The following CSRNP3 variants were observed in gnomAD, a reference collection of about 807,000 sequenced individuals.
CSRNP3 encodes the protein cysteine and serine rich nuclear protein 3.
A neutral mutation model predicts 48.0 loss-of-function variants in CSRNP3; 12 were observed. That is an observed-to-expected ratio of 0.25 (90% CI 0.16 to 0.41). The LOEUF (loss-of-function observed/expected upper bound fraction) is 0.41, where lower values mean the gene tolerates loss of function less well. CSRNP3 is among the 10% of genes least tolerant of loss of function. The pLI, the probability that CSRNP3 is intolerant of heterozygous loss-of-function variation, is 1.00. For missense variants in CSRNP3, 580 were observed against 724.4 expected, an observed-to-expected ratio of 0.80 and a Z score of 2.29; for synonymous variants, 263 against 269.7, an observed-to-expected ratio of 0.98 and a Z score of 0.24.
Position 165,673,131 on chromosome 2 carries a change from C to CTTTTTTTTTTT in CSRNP3, c.409-3167_409-3157dup, listed in dbSNP as rs3032370. ...AGCAAGAGTGAAACAGTATGTAGCT[C>CTTTTTTTTTTT]TTTTTTTTTTTTTTTTTTTTTTTTG... On this transcript the variant is annotated intron_variant, in intron 5 of 6. Transcript: ENST00000651982. 2.4e-4 allele frequency among the ~76,000 whole-genome samples: 16 copies of CTTTTTTTTTTT among 67,124 alleles called. 4 individuals are homozygous for CTTTTTTTTTTT. The highest frequency in any genetic ancestry group is 1.0e-3 in the East Asian group (2 of 1,944). The allele number at this position is 67,124 out of a possible 152,430, so 44.0% of individuals were successfully genotyped here.
intron 4 of CSRNP3, among the ~76,000 whole-genome samples, chr2:165,641,870 C>T (rs1686726281): frequency 6.6e-6 from 1 of 152,136 alleles, no homozygotes; most frequent in Admixed American, 6.6e-5. Flanking sequence ...CATTCTTCTG[C>T]TCTTTTGTTT....
chr2:165,553,511 G>C (rs1685124735), intron 3 of CSRNP3, among the ~76,000 whole-genome samples: 1 of 152,130 alleles, frequency 6.6e-6, no homozygotes, highest in Non-Finnish European at 1.5e-5. Context: ...GCTGAATATA[G>C]GTGGTAGCCA....
chr2:165,563,684 C>T (rs1452456979), intron 3 of CSRNP3, among the ~76,000 whole-genome samples: 2 of 152,136 alleles, frequency 1.3e-5, no homozygotes, highest in African/African-American at 4.8e-5. Context: ...AGTTCAGCTG[C>T]TAGACTTTTG....
intron 3 of CSRNP3, among the ~76,000 whole-genome samples, chr2:165,552,762 T>A (rs1685114251): frequency 6.6e-6 from 1 of 152,096 alleles, no homozygotes; most frequent in Non-Finnish European, 1.5e-5. Context: ...GTGTGCAATC[T>A]TGGCTCACTG....
At chr2:165,618,485 C>T (rs1251225996) in intron 4 of CSRNP3, among the ~76,000 whole-genome samples, 1 of 152,228 alleles carries the variant, frequency 6.6e-6, no homozygotes, top group Non-Finnish European at 1.5e-5. Context: ...CCAAATAGTA[C>T]TGTCATTTAA....
At chr2:165,589,239 C>A (rs1260934110) in intron 3 of CSRNP3, among the ~76,000 whole-genome samples, 1 of 152,204 alleles carries the variant, frequency 6.6e-6, no homozygotes, top group African/African-American at 2.4e-5. Flanking sequence ...TCCTTATATT[C>A]TTTTCTTTCC....
chr2:165,496,914 T>C (rs1684290583), intron 2 of CSRNP3, among the ~76,000 whole-genome samples: 1 of 152,014 alleles, frequency 6.6e-6, no homozygotes, highest in East Asian at 1.9e-4. Flanking sequence ...TTGATTTCTA[T>C]AGCTTGTAAG....
intron 4 of CSRNP3, among the ~76,000 whole-genome samples, chr2:165,654,704 A>G (rs1378192422): frequency 1.3e-5 from 2 of 152,076 alleles, no homozygotes; most frequent in African/African-American, 2.4e-5. Flanking sequence ...ATTTCGGCTC[A>G]CTGCAACCTC....
chr2:165,520,529 T>C (rs1402494319), intron 3 of CSRNP3, among the ~76,000 whole-genome samples: 1 of 151,890 alleles, frequency 6.6e-6, no homozygotes, highest in Non-Finnish European at 1.5e-5. Context: ...AAACAAAATT[T>C]GGATTAAGAG....
intron 3 of CSRNP3, among the ~76,000 whole-genome samples, chr2:165,561,437 C>A (rs527415403): frequency 6.6e-6 from 1 of 152,098 alleles, no homozygotes; most frequent in East Asian, 1.9e-4. Flanking sequence ...TTCTCTTCTT[C>A]AAGAGTAATT....
chr2:165,600,519 A>C (rs1391534034), intron 4 of CSRNP3, among the ~76,000 whole-genome samples: 1 of 152,214 alleles, frequency 6.6e-6, no homozygotes, highest in Non-Finnish European at 1.5e-5. Context: ...ACTGACCTCC[A>C]CAAGGATTGA....
At chr2:165,500,747 C>T (rs758542074) in intron 2 of CSRNP3, among the ~76,000 whole-genome samples, 6 of 152,014 alleles carry the variant, frequency 3.9e-5, no homozygotes, top group Admixed American at 1.3e-4. Flanking sequence ...CGTGAACCAC[C>T]GTGCCTGGCC....
intron 2 of CSRNP3, among the ~76,000 whole-genome samples, chr2:165,502,335 C>T (rs932771858): frequency 6.6e-6 from 1 of 151,858 alleles, no homozygotes; most frequent in Non-Finnish European, 1.5e-5. Flanking sequence ...GAAAAACACA[C>T]ATTTTCTATA....
intron 4 of CSRNP3, among the ~76,000 whole-genome samples, chr2:165,634,599 A>G (rs1686597244): frequency 6.6e-6 from 1 of 152,348 alleles, no homozygotes; most frequent in African/African-American, 2.4e-5. Context: ...AAGAAGATGG[A>G]TGAGTAAATA....
At position 165,589,452 on chromosome 2, in the gene CSRNP3, A is replaced by G. The variant is rs970753710; in HGVS notation, c.-23-5591A>G. ...AGGTATTCTACTTCATTGCTACACAAAGCAATTTTGTACTTAACAGGTGTT... is the reference window on the plus strand; with the variant it reads ...AGGTATTCTACTTCATTGCTACACAGAGCAATTTTGTACTTAACAGGTGTT... On this transcript the variant is annotated intron_variant, in intron 3 of 6. Coordinates refer to ENST00000651982, the MANE Select transcript of CSRNP3 (RefSeq NM_001172173.2). 1.3e-5 allele frequency among the ~76,000 whole-genome samples: 2 copies of G among 152,178 alleles called. 1 individual carries two copies. Among genetic ancestry groups the G allele is most frequent in the Non-Finnish European group, 2.9e-5 (2 of 68,026 alleles).
intron 2 of CSRNP3, among the ~76,000 whole-genome samples, chr2:165,513,424 G>A (rs187050958): frequency 5.9e-5 from 9 of 152,152 alleles, no homozygotes; most frequent in Admixed American, 2.0e-4. Context: ...AGCAGAAGTC[G>A]TCAACTTAGA....
At chr2:165,485,143 A>G (rs1006797038) in intron 1 of CSRNP3, among the ~76,000 whole-genome samples, 1 of 152,170 alleles carries the variant, frequency 6.6e-6, no homozygotes, top group Non-Finnish European at 1.5e-5. Context: ...TATTGTGTCT[A>G]TCGGAAACTA....
chr2:165,572,716 A>C (rs763157152), intron 3 of CSRNP3: 1 of 152,212 alleles, frequency 6.6e-6, no homozygotes, highest in Non-Finnish European at 1.5e-5. Context: ...TTAAGGATGC[A>C]CTTGAATTGA....
chr2:165,610,866 A>G (rs926946213), intron 4 of CSRNP3, among the ~76,000 whole-genome samples: 7 of 152,180 alleles, frequency 4.6e-5, no homozygotes, highest in African/African-American at 1.7e-4. Context: ...GAGAGCTTTT[A>G]TGAGTGCACT....
Sources: allele counts gnomAD v4.1 joint callset (sites outside exome capture counted in the v4.1 genomes callset), GRCh38; gene constraint gnomAD v4.1.1; transcripts MANE v1.5; gene names NCBI Gene and HGNC (gene_info 2026-07-23, HGNC 2026-07-21).